The following PRTFDC1 variants were observed in gnomAD, a reference collection of about 807,000 sequenced individuals.
The protein encoded by PRTFDC1 is phosphoribosyltransferase domain-containing protein 1.
PRTFDC1 carries 38 observed loss-of-function variants against 34.6 expected under a neutral mutation model. The observed-to-expected ratio is 1.10, with a 90% CI of 0.85 to 1.44. PRTFDC1 has a LOEUF of 1.44. Among genes scored for constraint, PRTFDC1 ranks in the 40% most tolerant of loss-of-function variants. PRTFDC1 has a pLI of 0.00. For synonymous variants in PRTFDC1, 93 were observed against 98.1 expected, an observed-to-expected ratio of 0.95 and a Z score of 0.31; for missense variants, 270 against 283.0, an observed-to-expected ratio of 0.95 and a Z score of 0.33.
chr10:24,878,316 G>A (rs570392511), intron 3 of PRTFDC1, among the ~76,000 whole-genome samples: 1 of 152,154 alleles, frequency 6.6e-6, no homozygotes, highest in South Asian at 2.1e-4. Context: ...CTGCTGGTAA[G>A]CGAATGAGCC....
At chr10:24,942,536 T>A in intron 1 of PRTFDC1, 100 bp from the exon 2 acceptor site, 1 of 984,702 alleles carries the variant, frequency 1.0e-6, no homozygotes, top group Non-Finnish European at 1.6e-6. Context: ...CCTCAACTTA[T>A]GAAAAGTTTA....
At chr10:24,939,362 C>T (rs1849111546) in intron 2 of PRTFDC1, among the ~76,000 whole-genome samples, 1 of 144,502 alleles carries the variant, frequency 6.9e-6, no homozygotes, top group South Asian at 2.2e-4. Context: ...GAAACAACAA[C>T]AGCAATGAAT....
At chr10:24,855,484 A>G in intron 6 of PRTFDC1, 120 bp from the exon 7 acceptor site, 2 of 1,173,264 alleles carry the variant, frequency 1.7e-6, no homozygotes, top group Non-Finnish European at 2.5e-6. Flanking sequence ...GGCACTATAT[A>G]GATGGTTCTG....
At chr10:24,892,737 G>A (rs964381033) in intron 3 of PRTFDC1, among the ~76,000 whole-genome samples, 1 of 151,890 alleles carries the variant, frequency 6.6e-6, no homozygotes, top group African/African-American at 2.4e-5. Flanking sequence ...AAGAGACTGG[G>A]GTATTTCACA....
chr10:24,925,328 C>T lies in PRTFDC1; in HGVS notation c.339+11856G>A, dbSNP rs569443693. ...ACATTGAGGCCTGTGGAGGGGGTGTCGGGGGCTGGCGGAGGGATAGCATTA... is the reference window on the plus strand; with the variant it reads ...ACATTGAGGCCTGTGGAGGGGGTGTTGGGGGCTGGCGGAGGGATAGCATTA... On this transcript the variant is annotated intron_variant, in intron 3 of 8. Coordinates refer to ENST00000320152, the MANE Select transcript of PRTFDC1 (RefSeq NM_020200.7). Among the ~76,000 whole-genome samples, 15 of 151,908 alleles carry T rather than the reference C, an allele frequency of 9.9e-5. No individual in the cohort carries two copies. In the South Asian group the frequency reaches 2.7e-3, roughly 27 times the overall value.
At chr10:24,913,789 G>C (rs1007395320) in intron 3 of PRTFDC1, among the ~76,000 whole-genome samples, 1 of 152,064 alleles carries the variant, frequency 6.6e-6, no homozygotes, top group Non-Finnish European at 1.5e-5. Context: ...TATAAGTAAA[G>C]GTCAGGAAAC....
chr10:24,917,143 A>G (rs1848707662), intron 3 of PRTFDC1, among the ~76,000 whole-genome samples: 1 of 152,212 alleles, frequency 6.6e-6, no homozygotes, highest in South Asian at 2.1e-4. Flanking sequence ...ACATTTTGCT[A>G]AAGAGAGCGA....
chr10:24,848,707 CT>C lies in PRTFDC1; in HGVS notation c.*1136del, dbSNP rs1377549276. Reference sequence around the variant, plus strand: ...CATACGGTTCAGAACCAAACAAAAGCTGCTTAGTTATTTATTTTGCATTTGC... The same window carrying C: ...CATACGGTTCAGAACCAAACAAAAGCGCTTAGTTATTTATTTTGCATTTGC... On this transcript the variant is annotated 3_prime_UTR_variant, in exon 9 of 9. Transcript: ENST00000320152. 6.6e-6 allele frequency: 1 copy of C among 152,054 alleles called. No homozygotes were observed. Among genetic ancestry groups the C allele is most frequent in the African/African-American group, 2.4e-5 (1 of 41,394 alleles). The allele number at this position is 152,054 out of a possible 1,614,324, so 9.4% of individuals were successfully genotyped here.
chr10:24,889,019 A>AC (rs1174970662), intron 3 of PRTFDC1, among the ~76,000 whole-genome samples: 1 of 151,866 alleles, frequency 6.6e-6, no homozygotes, highest in South Asian at 2.1e-4. Flanking sequence ...AATGTTTGTT[A>AC]CCCCCCTCCC....
rs903469938 is a variant in PRTFDC1, at chr10:24,872,122, C to T, written c.340-59G>A. ...TTACCGCACAAGAAAACCTTTAAAG[C>T]ACATTTTCCTGTCTACCCAGTTAGT... On this transcript the variant is annotated intron_variant, in intron 3 of 8. Transcript: ENST00000320152. The T allele has an allele frequency of 6.3e-6, 9 of 1,438,204 alleles. No individual in the cohort carries two copies. The South Asian group carries it at 1.0e-4, about 17-fold the overall frequency. 89.1% of individuals were successfully genotyped at this position (1,438,204 alleles called of 1,614,324 possible).
chr10:24,912,934 A>G (rs1283225677), intron 3 of PRTFDC1, among the ~76,000 whole-genome samples: 2 of 152,066 alleles, frequency 1.3e-5, no homozygotes, highest in Admixed American at 1.3e-4. Flanking sequence ...TCGCCTTTCC[A>G]CTCAAAAACT....
In PRTFDC1 at chr10:24,864,199, G is replaced by C. The variant is rs569823803; in HGVS notation, c.406-5790C>G. On this transcript the variant is annotated intron_variant, in intron 4 of 8. Coordinates refer to ENST00000320152, the MANE Select transcript of PRTFDC1 (RefSeq NM_020200.7). ...GCAAAGGAAGTGATTTCTTGAGATG[G>C]AATTTACTCCTGGTGAAGATGCTGT... is the stretch of plus-strand genomic sequence containing the variant. 5.3e-5 allele frequency among the ~76,000 whole-genome samples: 8 copies of C among 152,280 alleles called. No homozygotes were observed. The South Asian group carries it at 1.7e-3, about 32-fold the overall frequency.
Position 24,927,055 on chromosome 10 carries a change from T to C in PRTFDC1, c.339+10129A>G, listed in dbSNP as rs1848887945. The stretch of plus-strand genomic sequence containing the variant: ...CAAAAAATACTGAGATTAACCTTAT[T>C]ACATAAATGGGCTTTGGTTTCACTT... On this transcript the variant is annotated intron_variant, in intron 3 of 8. Transcript: ENST00000320152. Among the ~76,000 whole-genome samples the C allele has an allele frequency of 2.0e-5, 3 of 152,166 alleles. No individual in the cohort carries two copies. In the South Asian group the frequency reaches 6.2e-4, roughly 32 times the overall value.
chr10:24,883,049 A>G (rs1848106610), intron 3 of PRTFDC1, among the ~76,000 whole-genome samples: 1 of 148,354 alleles, frequency 6.7e-6, no homozygotes, highest in Admixed American at 6.8e-5. Flanking sequence ...ATAAACATAT[A>G]TACATAATTT....
chr10:24,929,906 T>C (rs1848945499), intron 3 of PRTFDC1, among the ~76,000 whole-genome samples: 1 of 152,136 alleles, frequency 6.6e-6, no homozygotes, highest in African/African-American at 2.4e-5. Context: ...GATAGAGCTT[T>C]CTCAAAACAC....
chr10:24,871,084 A>T lies in PRTFDC1; in HGVS notation c.405+914T>A, dbSNP rs998669986. 3.3e-5 allele frequency among the ~76,000 whole-genome samples: 5 copies of T among 151,556 alleles called. No homozygotes were observed. The Admixed American group carries it at 3.3e-4, about 10-fold the overall frequency. On this transcript the variant is annotated intron_variant, in intron 4 of 8. Coordinates refer to ENST00000320152, the MANE Select transcript of PRTFDC1 (RefSeq NM_020200.7). ...AGACTCTGTCTAAAAAAAAAAAAAA[A>T]AAAAAAGTCCTTGTGGCTCTATAGC...
chr10:24,893,847 G>A (rs1332704339), intron 3 of PRTFDC1, among the ~76,000 whole-genome samples: 1 of 152,146 alleles, frequency 6.6e-6, no homozygotes, highest in African/African-American at 2.4e-5. Context: ...GCATTATGTT[G>A]AACTTCAGGG....
At chr10:24,906,823 A>C (rs1184068103) in intron 3 of PRTFDC1, among the ~76,000 whole-genome samples, 1 of 152,216 alleles carries the variant, frequency 6.6e-6, no homozygotes, top group African/African-American at 2.4e-5. Context: ...CCGTGTGAGC[A>C]TCACAATCTT....
chr10:24,851,860 C>A (rs183212211), intron 7 of PRTFDC1, among the ~76,000 whole-genome samples: 1 of 151,452 alleles, frequency 6.6e-6, no homozygotes. Flanking sequence ...AAGCAGAAGG[C>A]GTTACGACGC....
Sources: gnomAD v4.1 joint callset for allele counts (sites outside exome capture counted in the v4.1 genomes callset) on GRCh38, gnomAD v4.1.1 for gene constraint, MANE v1.5 for transcripts, NCBI Gene and HGNC (gene_info 2026-07-23, HGNC 2026-07-21) for gene names.